Variants in ARHGAP15 observed in about 807,000 individuals in gnomAD.
ARHGAP15 encodes rho GTPase-activating protein 15.
Under a neutral mutation model 63.7 loss-of-function variants are expected in ARHGAP15, and 51 were observed. The ratio of observed to expected loss-of-function variants is 0.80; its 90% confidence interval spans 0.64 to 1.01. The LOEUF (loss-of-function observed/expected upper bound fraction) is 1.01, where lower values mean the gene tolerates loss of function less well. ARHGAP15 is among the 50% of genes least tolerant of loss of function. The pLI, the probability that ARHGAP15 is intolerant of heterozygous loss-of-function variation, is 0.00. For synonymous variants in ARHGAP15, 191 were observed against 193.8 expected (o/e 0.99, Z 0.12); for missense variants, 560 against 564.6 (o/e 0.99, Z 0.08).
chr2:143,166,063 A>AG (rs1558787960), intron 2 of ARHGAP15, among the ~76,000 whole-genome samples: 13 of 146,646 alleles, frequency 8.9e-5, no homozygotes, highest in Non-Finnish European at 1.5e-4. Context: ...GAAAGAAAGA[A>AG]AAAAAATATC....
In ARHGAP15 at chr2:143,468,988, C is replaced by T. The variant is rs182414833; in HGVS notation, c.704-18385C>T. Among the ~76,000 whole-genome samples, 26 of 152,136 alleles carry T rather than the reference C, an allele frequency of 1.7e-4. No individual in the cohort carries two copies. In the East Asian group the frequency reaches 4.6e-3, roughly 27 times the overall value. On this transcript the variant is annotated intron_variant, in intron 8 of 13. Coordinates refer to ENST00000295095, the MANE Select transcript of ARHGAP15 (RefSeq NM_018460.4). ...CCAGACAATGCCTATCCAGCCTTTC[C>T]TATATTAAAAAATAGATCATCTGGA...
intron 8 of ARHGAP15, among the ~76,000 whole-genome samples, chr2:143,471,029 G>A (rs1202602665): frequency 6.7e-6 from 1 of 148,178 alleles, no homozygotes; most frequent in South Asian, 2.1e-4. Context: ...GAATATGTGT[G>A]TATATATGCA....
intron 12 of ARHGAP15, among the ~76,000 whole-genome samples, chr2:143,667,521 G>A (rs1235023939): frequency 5.4e-5 from 8 of 147,608 alleles, no homozygotes; most frequent in Non-Finnish European, 1.0e-4. Flanking sequence ...GTATACACAT[G>A]TAACTAACCT....
At chr2:143,689,757 C>T (rs1353340587) in intron 12 of ARHGAP15, among the ~76,000 whole-genome samples, 1 of 152,146 alleles carries the variant, frequency 6.6e-6, no homozygotes, top group Non-Finnish European at 1.5e-5. Context: ...GAATTTCTTC[C>T]TAAAGAATTT....
intron 6 of ARHGAP15, among the ~76,000 whole-genome samples, chr2:143,369,235 A>G (rs1471365321): frequency 6.6e-6 from 1 of 152,134 alleles, no homozygotes; most frequent in Admixed American, 6.6e-5. Context: ...AATCTAATTC[A>G]GTGATACTTA....
chr2:143,148,032 T>A (rs549544307), intron 1 of ARHGAP15, among the ~76,000 whole-genome samples: 1 of 152,112 alleles, frequency 6.6e-6, no homozygotes, highest in South Asian at 2.1e-4. Context: ...AAATCCCAAT[T>A]CTTTAATAAA....
intron 13 of ARHGAP15, among the ~76,000 whole-genome samples, chr2:143,735,065 A>G (rs967684443): frequency 2.0e-5 from 3 of 152,250 alleles, no homozygotes; most frequent in Non-Finnish European, 2.9e-5. Flanking sequence ...AACACCCACT[A>G]GAACTATGAT....
intron 12 of ARHGAP15, among the ~76,000 whole-genome samples, chr2:143,662,811 A>G (rs1681899833): frequency 8.3e-6 from 1 of 121,194 alleles, no homozygotes; most frequent in Non-Finnish European, 1.7e-5. Context: ...AAGAAAGGGT[A>G]TCAGCAATGG....
At chr2:143,736,133 C>G (rs1290260945) in intron 13 of ARHGAP15, among the ~76,000 whole-genome samples, 1 of 152,118 alleles carries the variant, frequency 6.6e-6, no homozygotes, top group Admixed American at 6.5e-5. Context: ...AATCCTAGCA[C>G]TTTGGGAGGC....
chr2:143,229,275 G>A (rs963558648), intron 5 of ARHGAP15, among the ~76,000 whole-genome samples: 1 of 152,024 alleles, frequency 6.6e-6, no homozygotes, highest in East Asian at 1.9e-4. Context: ...TTTTATCTTC[G>A]TCTAACTGTG....
At chr2:143,413,954 T>TGCGCGC (rs1439719434) in intron 6 of ARHGAP15, among the ~76,000 whole-genome samples, 1 of 96,762 alleles carries the variant, frequency 1.0e-5, no homozygotes, top group Non-Finnish European at 2.0e-5. Context: ...TGTGTGTGTG[T>TGCGCGC]GTGTGTGTGT....
intron 5 of ARHGAP15, among the ~76,000 whole-genome samples, chr2:143,232,504 C>A (rs916575644): frequency 1.3e-5 from 2 of 152,100 alleles, no homozygotes; most frequent in Non-Finnish European, 2.9e-5. Flanking sequence ...TTATTTATAA[C>A]TCACTTAAAA....
At chr2:143,369,993 T>C (rs987139799) in intron 6 of ARHGAP15, among the ~76,000 whole-genome samples, 1 of 152,308 alleles carries the variant, frequency 6.6e-6, no homozygotes, top group East Asian at 1.9e-4. Context: ...CACTGAATTA[T>C]GCTGTCATAA....
chr2:143,129,831 C>T (rs1559023480), intron 1 of ARHGAP15, among the ~76,000 whole-genome samples: 1 of 152,156 alleles, frequency 6.6e-6, no homozygotes, highest in East Asian at 1.9e-4. Context: ...ATGTATTGTT[C>T]AACATCCAGA....
intron 9 of ARHGAP15, among the ~76,000 whole-genome samples, chr2:143,507,797 C>G (rs577389445): frequency 6.6e-6 from 1 of 152,150 alleles, no homozygotes; most frequent in Non-Finnish European, 1.5e-5. Flanking sequence ...GGATCACCCC[C>G]GCTTTCTACT....
intron 11 of ARHGAP15, among the ~76,000 whole-genome samples, chr2:143,609,643 T>C (rs1263061250): frequency 1.3e-5 from 2 of 152,110 alleles, no homozygotes; most frequent in African/African-American, 4.8e-5. Context: ...AGATTTCAAC[T>C]GACAGAATAT....
intron 11 of ARHGAP15, among the ~76,000 whole-genome samples, chr2:143,595,251 A>C (rs1335158056): frequency 6.6e-6 from 1 of 152,168 alleles, no homozygotes; most frequent in Non-Finnish European, 1.5e-5. Flanking sequence ...TTGCTGTCAG[A>C]GCAGCTGACT....
intron 6 of ARHGAP15, chr2:143,435,298 T>C (rs1409179059): frequency 9.6e-7 from 1 of 1,045,128 alleles, no homozygotes; most frequent in African/African-American, 1.7e-5. Flanking sequence ...AAGTGTGTAC[T>C]GTCTGCAGTT....
At chr2:143,240,098 C>T (rs994460712) in intron 5 of ARHGAP15, among the ~76,000 whole-genome samples, 2 of 148,764 alleles carry the variant, frequency 1.3e-5, no homozygotes, top group African/African-American at 5.0e-5. Flanking sequence ...ATCACTTGAA[C>T]CCAGGTGTTT....
Sources: gnomAD v4.1 joint callset for allele counts (sites outside exome capture counted in the v4.1 genomes callset) on GRCh38, gnomAD v4.1.1 for gene constraint, MANE v1.5 for transcripts, NCBI Gene and HGNC (gene_info 2026-07-23, HGNC 2026-07-21) for gene names.